MAMLD1: variants seen among roughly 807,000 people sequenced by gnomAD.
MAMLD1 encodes the protein mastermind like domain containing 1.
MAMLD1 carries 14 observed loss-of-function variants against 45.0 expected under a neutral mutation model. That is an observed-to-expected ratio of 0.31 (90% CI 0.21 to 0.49). The LOEUF is 0.49. Ranked by LOEUF, MAMLD1 falls within the 20% of genes least tolerant of loss-of-function variation. MAMLD1 has a pLI of 0.99. For missense variants in MAMLD1, 543 were observed against 603.6 expected (o/e 0.90, Z 1.05); for synonymous variants, 254 against 247.8 (o/e 1.02, Z -0.24).
chrX:150,487,088 GGCT>G (rs781938024), intron 5 of MAMLD1, among the ~76,000 whole-genome samples: 18 of 111,186 alleles, frequency 1.6e-4, no homozygotes, highest in Middle Eastern at 4.6e-3. Flanking sequence ...GATTTCCAGG[GGCT>G]GCTGCTGCTG....
At chrX:150,496,049 A>G (rs12557376) in intron 5 of MAMLD1, among the ~76,000 whole-genome samples, 54,344 of 111,685 alleles carry the variant, frequency 0.49, 10,073 homozygotes, top group Non-Finnish European at 0.59. Flanking sequence ...CTCTGGGAGG[A>G]AGAGAATTTA....
chrX:150,513,724 A>C lies in MAMLD1; in HGVS notation c.*1765A>C, dbSNP rs1490230025. ...TGGGAGAGTTCTCCAGATTTGGGAG[A>C]GGCGCAGAGACAGTGTGTGAGCCGA... On this transcript the variant is annotated 3_prime_UTR_variant, in exon 8 of 8. Coordinates refer to ENST00000370401, the MANE Select transcript of MAMLD1 (RefSeq NM_005491.5). 1.0e-5 allele frequency: 3 copies of C among 295,141 alleles called. No homozygotes were observed. The highest frequency in any genetic ancestry group is 1.8e-5 in the Non-Finnish European group (3 of 169,945). The allele number at this position is 295,141 out of a possible 1,213,427, so 24.3% of individuals were successfully genotyped here.
chrX:150,381,206 A>T (rs782319104), intron 1 of MAMLD1, among the ~76,000 whole-genome samples: 2 of 111,989 alleles, frequency 1.8e-5, no homozygotes, highest in South Asian at 7.4e-4. Flanking sequence ...TAGAGGCTTT[A>T]TTGTGATTTT....
chrX:150,380,218 T>C (rs1557401583), intron 1 of MAMLD1, among the ~76,000 whole-genome samples: 1 of 112,022 alleles, frequency 8.9e-6, no homozygotes, highest in African/African-American at 3.2e-5. Flanking sequence ...TTTTTACAAA[T>C]CTGATAGGTG....
intron 1 of MAMLD1, among the ~76,000 whole-genome samples, chrX:150,410,899 C>T (rs892907656): frequency 8.9e-6 from 1 of 112,056 alleles, no homozygotes; most frequent in Non-Finnish European, 1.9e-5. Context: ...AACCCATGGC[C>T]GGTGGGCTGT....
chrX:150,376,968 A>C (rs1231644995), intron 1 of MAMLD1, among the ~76,000 whole-genome samples: 1 of 112,049 alleles, frequency 8.9e-6, no homozygotes, highest in Non-Finnish European at 1.9e-5. Flanking sequence ...TATTTTCTCA[A>C]CTGTTTGCAC....
chrX:150,372,525 G>A (rs782456019), intron 1 of MAMLD1, among the ~76,000 whole-genome samples: 8 of 112,310 alleles, frequency 7.1e-5, no homozygotes, highest in East Asian at 2.8e-4. Context: ...GCTAGGCTTC[G>A]GGAGGAGGGC....
chrX:150,434,795 T>G (rs2035068035), intron 1 of MAMLD1, among the ~76,000 whole-genome samples: 2 of 112,286 alleles, frequency 1.8e-5, no homozygotes, highest in South Asian at 7.4e-4. Flanking sequence ...GATTTCAGTT[T>G]TTTTGAATGT....
At chrX:150,428,115 T>C (rs1569564758) in intron 1 of MAMLD1, among the ~76,000 whole-genome samples, 1 of 111,066 alleles carries the variant, frequency 9.0e-6, no homozygotes, top group East Asian at 2.9e-4. Flanking sequence ...CAGAGGGTCT[T>C]TGCTCTCTTT....
intron 1 of MAMLD1, among the ~76,000 whole-genome samples, chrX:150,425,293 A>G (rs2034666396): frequency 5.4e-5 from 6 of 111,607 alleles, no homozygotes; most frequent in Admixed American, 4.8e-4. Context: ...TAGCTACTCT[A>G]TGTTAGTTTT....
intron 3 of MAMLD1, among the ~76,000 whole-genome samples, chrX:150,466,218 G>A (rs138743311): frequency 3.0e-3 from 336 of 113,042 alleles, no homozygotes; most frequent in Middle Eastern, 9.1e-3. Context: ...CCTCACTGAT[G>A]TCTGGTGAAG....
intron 2 of MAMLD1, among the ~76,000 whole-genome samples, chrX:150,457,680 G>A (rs782768135): frequency 1.8e-5 from 2 of 112,070 alleles, no homozygotes; most frequent in African/African-American, 3.2e-5. Context: ...CAACATGGAT[G>A]AGCCCAGAAA....
chrX:150,490,284 A>G (rs1033495), intron 5 of MAMLD1, among the ~76,000 whole-genome samples: 11,236 of 111,927 alleles, frequency 0.1, 486 homozygotes, highest in Admixed American at 0.18. Flanking sequence ...ACTTTGGATA[A>G]CAAAGCCAAG....
At position 150,492,642 on chromosome X, in the gene MAMLD1, G is replaced by A. The variant is rs72612717; in HGVS notation, c.2041-10632G>A. On this transcript the variant is annotated intron_variant, in intron 5 of 7. Transcript: ENST00000370401. ...AGGCCCTTTCCTGCCATGAGTTTCA[G>A]TGTCCCCACCTACCAAGTGGGGAGT... Among the ~76,000 whole-genome samples, 619 of 111,850 alleles carry A rather than the reference G, an allele frequency of 5.5e-3. 13 individuals carry two copies. In the East Asian group the frequency reaches 0.11, roughly 19 times the overall value.
intron 1 of MAMLD1, among the ~76,000 whole-genome samples, chrX:150,418,454 T>C (rs1388531708): frequency 3.7e-4 from 38 of 101,870 alleles, no homozygotes; most frequent in African/African-American, 1.3e-3. Context: ...CTGCTCTGAT[T>C]TTAGTTATTT....
rs1453380512 is a variant in MAMLD1, at chrX:150,471,472, G to A, written c.1899G>A (p.Met633Ile). The A allele has an allele frequency of 1.2e-5, 15 of 1,209,004 alleles. No individual in the cohort carries two copies. Among genetic ancestry groups the A allele is most frequent in the Non-Finnish European group, 1.7e-5 (15 of 893,824 alleles). The change falls in exon 4 of 8, where the codon ATG (methionine) becomes ATA (isoleucine). Residue 633 changes from methionine to isoleucine, a missense_variant. Coordinates refer to ENST00000370401, the MANE Select transcript of MAMLD1 (RefSeq NM_005491.5). Reference sequence around the variant, plus strand: ...AGCGATCAGTGGCCTCAGATTCCATGCCTGCTCTGCCCAGACAGGTAAGAC... The same window carrying A: ...AGCGATCAGTGGCCTCAGATTCCATACCTGCTCTGCCCAGACAGGTAAGAC... Reference protein sequence around the residue: ...RFQRSVASDSMPALPRQGCCH... With the variant: ...RFQRSVASDSIPALPRQGCCH...
intron 1 of MAMLD1, among the ~76,000 whole-genome samples, chrX:150,409,971 T>C (rs2034085416): frequency 8.9e-6 from 1 of 112,521 alleles, no homozygotes; most frequent in African/African-American, 3.2e-5. Flanking sequence ...TGGATATTGC[T>C]GTCAGAAATT....
intron 1 of MAMLD1, among the ~76,000 whole-genome samples, chrX:150,395,845 T>G (rs781788647): frequency 9.0e-6 from 1 of 111,229 alleles, no homozygotes; most frequent in African/African-American, 3.3e-5. Context: ...GTCCAGAGGC[T>G]TATCAACTTT....
chrX:150,456,597 C>T, intron 2 of MAMLD1, among the ~76,000 whole-genome samples: 1 of 111,551 alleles, frequency 9.0e-6, no homozygotes, highest in East Asian at 2.8e-4. Context: ...CCCATACAGC[C>T]CTAAAAAGTC....
Sources: allele counts gnomAD v4.1 joint callset (sites outside exome capture counted in the v4.1 genomes callset), GRCh38; gene constraint gnomAD v4.1.1; transcripts MANE v1.5; gene names NCBI Gene and HGNC (gene_info 2026-07-23, HGNC 2026-07-21).